The following PARD3B variants were observed in gnomAD, a reference collection of about 807,000 sequenced individuals.
The protein encoded by PARD3B is par-3 family cell polarity regulator beta.
Under a neutral mutation model 130.2 loss-of-function variants are expected in PARD3B, and 103 were observed. The ratio of observed to expected loss-of-function variants is 0.79; its 90% CI spans 0.67 to 0.93. The LOEUF (loss-of-function observed/expected upper bound fraction) is 0.93, where lower values mean the gene tolerates loss of function less well. Among genes scored for constraint, PARD3B ranks in the 40% least tolerant of loss-of-function variants. PARD3B has a pLI of 0.00. For synonymous variants in PARD3B, 583 were observed against 553.2 expected (o/e 1.05, Z -0.76); for missense variants, 1,609 against 1,499.2 (o/e 1.07, Z -1.21).
At chr2:205,386,587 A>T (rs1314351439) in intron 18 of PARD3B, among the ~76,000 whole-genome samples, 1 of 151,906 alleles carries the variant, frequency 6.6e-6, no homozygotes, top group Non-Finnish European at 1.5e-5. Flanking sequence ...CTTTGTCATT[A>T]TGGCTAATTG....
intron 2 of PARD3B, among the ~76,000 whole-genome samples, chr2:204,790,932 C>A (rs1003926755): frequency 6.6e-6 from 1 of 152,052 alleles, no homozygotes; most frequent in African/African-American, 2.4e-5. Context: ...TGGTGAAACC[C>A]TGTCTCTACT....
At chr2:204,999,869 C>A (rs1694677690) in intron 3 of PARD3B, among the ~76,000 whole-genome samples, 1 of 152,098 alleles carries the variant, frequency 6.6e-6, no homozygotes, top group Admixed American at 6.6e-5. Context: ...CATTCAGGAC[C>A]AGAGAAACTT....
intron 4 of PARD3B, among the ~76,000 whole-genome samples, chr2:205,051,270 G>A (rs1420378815): frequency 6.6e-6 from 1 of 152,082 alleles, no homozygotes; most frequent in Non-Finnish European, 1.5e-5. Context: ...TGGTGAATTC[G>A]GGGAGTGTGT....
At position 205,407,859 on chromosome 2, in the gene PARD3B, C is replaced by G. The variant is rs2046462891; in HGVS notation, c.2741+6736C>G. On this transcript the variant is annotated intron_variant, in intron 19 of 22. Transcript: ENST00000406610. This position sits in a 1 kb window ranked among gnomAD's most constrained non-coding sequence, Gnocchi z 4.1. ...TTATATACTCCAAAATCTTCCATTA[C>G]TCTTATACCATATCAGAGTTTATTT... Among the ~76,000 whole-genome samples the G allele has an allele frequency of 6.6e-6, 1 of 152,102 alleles. No homozygotes were observed. Among genetic ancestry groups the G allele is most frequent in the Non-Finnish European group, 1.5e-5 (1 of 68,018 alleles).
intron 15 of PARD3B, among the ~76,000 whole-genome samples, chr2:205,217,894 A>ATATATATATTTT (rs1559553191): frequency 3.2e-5 from 1 of 31,072 alleles, no homozygotes; most frequent in Non-Finnish European, 5.8e-5. Context: ...ATATATATAT[A>ATATATATATTTT]TTTTTTTTTT....
At chr2:205,540,503 A>C (rs932461940) in intron 21 of PARD3B, among the ~76,000 whole-genome samples, 4 of 152,216 alleles carry the variant, frequency 2.6e-5, no homozygotes, top group African/African-American at 9.6e-5. Context: ...TATTGAAATC[A>C]AAACATTCAA....
chr2:204,760,721 T>G (rs1244830946), intron 2 of PARD3B, among the ~76,000 whole-genome samples: 2 of 152,100 alleles, frequency 1.3e-5, no homozygotes, highest in African/African-American at 4.8e-5. Flanking sequence ...GAAGAAATAT[T>G]TATTGTGTTA....
intron 22 of PARD3B, among the ~76,000 whole-genome samples, chr2:205,582,749 A>T (rs2054038151): frequency 6.6e-6 from 1 of 151,746 alleles, no homozygotes; most frequent in Non-Finnish European, 1.5e-5. Context: ...AGGAAGTGGC[A>T]TTGCCTCCGA....
chr2:205,612,357 G>C (rs1441732882), intron 22 of PARD3B, among the ~76,000 whole-genome samples: 2 of 152,162 alleles, frequency 1.3e-5, no homozygotes, highest in Admixed American at 1.3e-4. Flanking sequence ...CACCAGGCTG[G>C]TCTCAAACTC....
intron 3 of PARD3B, among the ~76,000 whole-genome samples, chr2:205,031,758 G>C (rs1027556207): frequency 1.3e-5 from 2 of 152,118 alleles, no homozygotes; most frequent in African/African-American, 4.8e-5. Flanking sequence ...GATCAAAAAG[G>C]TATTACCTGC....
chr2:204,653,422 T>C (rs1320342468), intron 1 of PARD3B, among the ~76,000 whole-genome samples: 1 of 151,082 alleles, frequency 6.6e-6, no homozygotes, highest in Non-Finnish European at 1.5e-5. Context: ...CAGAGCACTG[T>C]GTTGCTATAT....
rs115813043 is a variant in PARD3B, at chr2:205,324,541, T to G, written c.2630+22840T>G. On this transcript the variant is annotated intron_variant, in intron 18 of 22. Transcript: ENST00000406610. ...TAGAGTTGCAGGTTAATATATCAAC[T>G]TTCTCTTTAAAATTAGTAATGTTTA... Among the ~76,000 whole-genome samples, 3 of 152,210 alleles carry G rather than the reference T, an allele frequency of 2.0e-5. 1 individual carries two copies. In the South Asian group the frequency reaches 6.2e-4, roughly 31 times the overall value.
chr2:204,860,631 G>A (rs528126549), intron 2 of PARD3B, among the ~76,000 whole-genome samples: 3 of 152,280 alleles, frequency 2.0e-5, no homozygotes, highest in African/African-American at 7.2e-5. Flanking sequence ...GAGAAGAGTT[G>A]TTGTTATTAA....
chr2:205,159,020 C>T, intron 11 of PARD3B, 113 bp downstream of exon 11: 2 of 1,129,636 alleles, frequency 1.8e-6, no homozygotes, highest in Non-Finnish European at 2.6e-6. Flanking sequence ...CTGAGACTTT[C>T]CCGCCAGATA....
intron 22 of PARD3B, among the ~76,000 whole-genome samples, chr2:205,604,808 C>T (rs1015682368): frequency 6.6e-6 from 1 of 152,146 alleles, no homozygotes; most frequent in South Asian, 2.1e-4. Context: ...TGTTTTCCAA[C>T]GTGGTTCTGT....
At chr2:205,273,535 A>G (rs1335382810) in intron 16 of PARD3B, among the ~76,000 whole-genome samples, 2 of 152,208 alleles carry the variant, frequency 1.3e-5, no homozygotes, top group African/African-American at 4.8e-5. Context: ...AGGAGCAACT[A>G]CTTTGGAGCC....
chr2:204,923,880 G>C (rs1342517287), intron 2 of PARD3B, among the ~76,000 whole-genome samples: 1 of 152,010 alleles, frequency 6.6e-6, no homozygotes, highest in Non-Finnish European at 1.5e-5. Flanking sequence ...GTTGCAGTAT[G>C]TTAAATTGGA....
intron 15 of PARD3B, among the ~76,000 whole-genome samples, chr2:205,220,017 A>T (rs1201024242): frequency 6.6e-6 from 1 of 152,178 alleles, no homozygotes; most frequent in Non-Finnish European, 1.5e-5. Context: ...AACAGGGAGA[A>T]CTGTTGAGCC....
intron 16 of PARD3B, among the ~76,000 whole-genome samples, chr2:205,293,090 A>G (rs1861511): frequency 0.91 from 137,726 of 152,046 alleles, 62,567 homozygotes; most frequent in Admixed American, 0.94. Flanking sequence ...AATCGGATAG[A>G]TATAAAAAGG....
Sources: gnomAD v4.1 joint callset for allele counts (sites outside exome capture counted in the v4.1 genomes callset) on GRCh38, gnomAD v4.1.1 for gene constraint, Gnocchi (gnomAD v3.1) non-coding constraint, MANE v1.5 for transcripts, NCBI Gene and HGNC (gene_info 2026-07-23, HGNC 2026-07-21) for gene names.